Variants in NT5DC1 observed in about 807,000 individuals in gnomAD.
The protein encoded by NT5DC1 is 5'-nucleotidase domain containing 1, also known as 5'-nucleotidase domain-containing protein 1.
In NT5DC1, 42 loss-of-function variants were observed where a neutral mutation model predicts 59.4. The observed-to-expected ratio is 0.71, with a 90% CI of 0.55 to 0.92. NT5DC1 has a LOEUF of 0.92. Ranked by LOEUF, NT5DC1 falls within the 40% of genes least tolerant of loss-of-function variation. The pLI, the probability that NT5DC1 is intolerant of heterozygous loss-of-function variation, is 0.00. For synonymous variants in NT5DC1, 172 were observed against 188.1 expected, an observed-to-expected ratio of 0.91 and a Z score of 0.70; for missense variants, 501 against 537.1, an observed-to-expected ratio of 0.93 and a Z score of 0.66.
At chr6:116,160,018 G>C (rs1263224310) in intron 6 of NT5DC1, among the ~76,000 whole-genome samples, 1 of 151,998 alleles carries the variant, frequency 6.6e-6, no homozygotes, top group Non-Finnish European at 1.5e-5. Flanking sequence ...GTCAACTTTT[G>C]ATGGACACTT....
At chr6:116,120,720 T>C (rs1433644049) in intron 6 of NT5DC1, 23 of 1,582,720 alleles carry the variant, frequency 1.5e-5, no homozygotes, top group Non-Finnish European at 2.0e-5. Context: ...GGATCCCCTT[T>C]AGACCCAGGG....
intron 6 of NT5DC1, among the ~76,000 whole-genome samples, chr6:116,205,249 G>A (rs1333457353): frequency 2.6e-5 from 4 of 151,834 alleles, no homozygotes; most frequent in Non-Finnish European, 5.9e-5. Flanking sequence ...AATAAGCTGG[G>A]CTGGACAAGC....
At chr6:116,159,612 C>T (rs1016105959) in intron 6 of NT5DC1, among the ~76,000 whole-genome samples, 1 of 152,194 alleles carries the variant, frequency 6.6e-6, no homozygotes, top group South Asian at 2.1e-4. Flanking sequence ...GCACACACAA[C>T]ACTGCTGTCA....
chr6:116,237,019 TCCCAAGG>T lies in NT5DC1; in HGVS notation c.857_863del (p.Ser286Ter). 1 of 1,613,308 alleles carries T rather than the reference TCCCAAGG, an allele frequency of 6.2e-7. No individual in the cohort carries two copies. Among genetic ancestry groups the T allele is most frequent in the Non-Finnish European group, 8.5e-7 (1 of 1,179,362 alleles). The stretch of plus-strand genomic sequence containing the variant: ...ATCTCTGGATAAACCTGGCTGGTAC[TCCCAAGG>T]GAACGCTGTCCACCTCTATGAACTT... On this transcript the variant is annotated frameshift_variant, in exon 9 of 12. Coordinates refer to ENST00000319550, the MANE Select transcript of NT5DC1 (RefSeq NM_152729.3). LOFTEE classifies it high-confidence loss of function.
chr6:116,114,534 GGA>G lies in NT5DC1; in HGVS notation c.365-1155_365-1154del, dbSNP rs1243326370. ...CATATACATAGCTTGCAAATTGGGG[GGA>G]GGGGGGGGGAGTCAAAATCAGGTGA... On this transcript the variant is annotated intron_variant, in intron 4 of 11. Coordinates refer to ENST00000319550, the MANE Select transcript of NT5DC1 (RefSeq NM_152729.3). 2.7e-3 allele frequency among the ~76,000 whole-genome samples: 123 copies of G among 45,964 alleles called. 10 individuals carry two copies. The highest frequency in any genetic ancestry group is 5.3e-3 in the African/African-American group (44 of 8,350). The allele number at this position is 45,964 out of a possible 152,430, so 30.2% of individuals were successfully genotyped here.
chr6:116,208,295 G>T (rs1781500933), intron 6 of NT5DC1, among the ~76,000 whole-genome samples: 3 of 151,988 alleles, frequency 2.0e-5, no homozygotes, highest in African/African-American at 7.2e-5. Context: ...TCTTCTGAAG[G>T]AGGTGGAAGA....
At chr6:116,146,317 C>T (rs1441054953) in intron 6 of NT5DC1, among the ~76,000 whole-genome samples, 2 of 152,088 alleles carry the variant, frequency 1.3e-5, no homozygotes, top group African/African-American at 2.4e-5. Flanking sequence ...GAGTAGGTGG[C>T]GTCAACCTGT....
rs546873545 is a variant in NT5DC1 at position 116,125,624 on chromosome 6, A to G, written c.529+7679A>G. The stretch of plus-strand genomic sequence containing the variant: ...TCTACTTTTTTAACCTATCCTATAT[A>G]TTTTTAATATGTGCCATAAATAAAT... On this transcript the variant is annotated intron_variant, in intron 6 of 11. Transcript: ENST00000319550. The G allele has an allele frequency of 1.1e-4, 92 of 810,876 alleles. No individual in the cohort carries two copies. The African/African-American group carries it at 1.5e-3, about 13-fold the overall frequency. 50.2% of individuals were successfully genotyped at this position (810,876 alleles called of 1,614,324 possible).
At chr6:116,140,653 T>C (rs974228186) in intron 6 of NT5DC1, among the ~76,000 whole-genome samples, 1 of 152,160 alleles carries the variant, frequency 6.6e-6, no homozygotes, top group Admixed American at 6.5e-5. Context: ...TCTGTCCTTC[T>C]AGAAAGTATA....
At chr6:116,239,765 C>T (rs1782188257) in intron 11 of NT5DC1, among the ~76,000 whole-genome samples, 1 of 152,078 alleles carries the variant, frequency 6.6e-6, no homozygotes, top group South Asian at 2.1e-4. Flanking sequence ...CATTCTAGGA[C>T]TCAAATTATT....
chr6:116,239,193 CTT>C, intron 11 of NT5DC1, 70 bp downstream of exon 11: 2 of 1,166,554 alleles, frequency 1.7e-6, no homozygotes, highest in Non-Finnish European at 2.5e-6. Flanking sequence ...GAATTCTTGT[CTT>C]TAAGAAAAAG....
intron 6 of NT5DC1, among the ~76,000 whole-genome samples, chr6:116,126,374 A>G (rs190215479): frequency 7.0e-4 from 106 of 152,108 alleles, no homozygotes; most frequent in Non-Finnish European, 1.3e-3. Context: ...CTGTGATTCT[A>G]TTTTATTAAT....
chr6:116,179,564 C>T (rs759432247), intron 6 of NT5DC1, among the ~76,000 whole-genome samples: 20 of 152,110 alleles, frequency 1.3e-4, no homozygotes, highest in Non-Finnish European at 2.1e-4. Context: ...ATCAGGGAAA[C>T]GCAAATCAAA....
chr6:116,227,561 A>G lies in NT5DC1; in HGVS notation c.802+4430A>G, dbSNP rs1480399888. 3.9e-5 allele frequency among the ~76,000 whole-genome samples: 6 copies of G among 152,072 alleles called. No homozygotes were observed. In the East Asian group the frequency reaches 1.2e-3, roughly 29 times the overall value. Reference sequence around the variant, plus strand: ...CTCCACACTTTTTTCCGTAATGGCTAAACTAATTTACAATCCCACCAAGAA... The same window carrying G: ...CTCCACACTTTTTTCCGTAATGGCTGAACTAATTTACAATCCCACCAAGAA... On this transcript the variant is annotated intron_variant, in intron 8 of 11. Transcript: ENST00000319550.
At chr6:116,135,152 A>G (rs777040877) in intron 6 of NT5DC1, among the ~76,000 whole-genome samples, 1 of 152,178 alleles carries the variant, frequency 6.6e-6, no homozygotes, top group Non-Finnish European at 1.5e-5. Context: ...GATATCATTT[A>G]TTAGTTCTTT....
chr6:116,112,324 G>GT (rs1384411151), intron 4 of NT5DC1, among the ~76,000 whole-genome samples: 2 of 152,040 alleles, frequency 1.3e-5, no homozygotes, highest in Admixed American at 1.3e-4. Flanking sequence ...AATAATATGA[G>GT]TTTTTTTAAA....
At chr6:116,141,645 C>G (rs897185648) in intron 6 of NT5DC1, among the ~76,000 whole-genome samples, 16 of 151,942 alleles carry the variant, frequency 1.1e-4, no homozygotes, top group African/African-American at 3.9e-4. Flanking sequence ...TCTAGGTTTA[C>G]TTGCAAAGGT....
intron 6 of NT5DC1, among the ~76,000 whole-genome samples, chr6:116,168,915 G>A (rs1302941396): frequency 2.6e-5 from 4 of 152,120 alleles, no homozygotes; most frequent in African/African-American, 9.7e-5. Context: ...GCCATTGAGA[G>A]CTGTATTATA....
In NT5DC1 at chr6:116,112,525, T is replaced by C. The variant is rs189154828; in HGVS notation, c.364+1569T>C. On this transcript the variant is annotated intron_variant, in intron 4 of 11. Coordinates refer to ENST00000319550, the MANE Select transcript of NT5DC1 (RefSeq NM_152729.3). ...AGGTATACAAAAGGAATTATGTATT[T>C]ACCTTGCTCTTTTCAATTTACATCT... Among the ~76,000 whole-genome samples, 10 of 152,356 alleles carry C rather than the reference T, an allele frequency of 6.6e-5. No individual in the cohort carries two copies. The East Asian group carries it at 1.9e-3, about 29-fold the overall frequency.
Sources: allele counts gnomAD v4.1 joint callset (sites outside exome capture counted in the v4.1 genomes callset), GRCh38; gene constraint gnomAD v4.1.1; transcripts MANE v1.5; gene names NCBI Gene and HGNC (gene_info 2026-07-23, HGNC 2026-07-21).